Variants in RANBP2 observed in about 807,000 individuals in gnomAD.
RANBP2 encodes the protein RAN binding protein 2.
RANBP2 carries 57 observed loss-of-function variants against 303.6 expected under a neutral mutation model. The observed-to-expected ratio is 0.19, with a 90% CI of 0.15 to 0.23. The LOEUF (loss-of-function observed/expected upper bound fraction) is 0.23, where lower values mean the gene tolerates loss of function less well. Among genes scored for constraint, RANBP2 ranks in the 10% least tolerant of loss-of-function variants. RANBP2 has a pLI of 1.00. For missense variants in RANBP2, 3,138 were observed against 3,780.8 expected (o/e 0.83, Z 4.46); for synonymous variants, 1,167 against 1,301.5 (o/e 0.90, Z 2.23).
the RANBP2 span, among the ~76,000 whole-genome samples, chr2:109,430,303 A>G: frequency 1.3e-5 from 2 of 152,318 alleles, no homozygotes; most frequent in Non-Finnish European, 2.9e-5. Context: ...TTTACACTCA[A>G]TTGTATTTCT....
chr2:109,371,607 A>G, the RANBP2 span: 1 of 1,614,014 alleles, frequency 6.2e-7, no homozygotes, highest in Admixed American at 1.7e-5. Flanking sequence ...GACGGTGCTC[A>G]GGAGAGTGGA....
chr2:109,543,394 ACCACAG>A, the RANBP2 span: 2 of 152,184 alleles, frequency 1.3e-5, no homozygotes, highest in Non-Finnish European at 2.9e-5. Context: ...ATTTTGTTTC[ACCACAG>A]TAATACGTCA....
chr2:109,006,607 T>C, the RANBP2 span, among the ~76,000 whole-genome samples: 1 of 152,122 alleles, frequency 6.6e-6, no homozygotes, highest in South Asian at 2.1e-4. Flanking sequence ...CTCAGTGGGA[T>C]GTGGGGTTCT....
the RANBP2 span, among the ~76,000 whole-genome samples, chr2:109,648,654 T>A: frequency 1.4e-5 from 2 of 142,260 alleles, no homozygotes; most frequent in South Asian, 2.2e-4. Flanking sequence ...ATTTACATCT[T>A]TTTTTTTTTT....
intron 7 of RANBP2, among the ~76,000 whole-genome samples, chr2:108,744,820 C>T (rs1222194128): frequency 6.6e-6 from 1 of 152,210 alleles, no homozygotes; most frequent in African/African-American, 2.4e-5. Context: ...TATTTACTTT[C>T]TCCACCTCCA....
At chr2:108,942,898 C>T in the RANBP2 span, among the ~76,000 whole-genome samples, 1 of 152,198 alleles carries the variant, frequency 6.6e-6, no homozygotes, top group Non-Finnish European at 1.5e-5. Context: ...TTGTTTTGAA[C>T]GATTCAATAG....
At chr2:108,759,018 C>T (rs1676530609) in intron 18 of RANBP2, among the ~76,000 whole-genome samples, 1 of 149,218 alleles carries the variant, frequency 6.7e-6, no homozygotes, top group East Asian at 1.9e-4. Context: ...TTAAGTTCTG[C>T]TCTATCACTT....
the RANBP2 span, among the ~76,000 whole-genome samples, chr2:109,051,722 C>G: frequency 6.6e-6 from 1 of 151,156 alleles, no homozygotes; most frequent in Admixed American, 6.6e-5. Flanking sequence ...GTTATAATTG[C>G]TTAAGAAAAT....
At chr2:109,050,631 C>T in the RANBP2 span, among the ~76,000 whole-genome samples, 1 of 152,054 alleles carries the variant, frequency 6.6e-6, no homozygotes, top group East Asian at 1.9e-4. Context: ...ACAGCTGGCA[C>T]ACCCACTGCC....
the RANBP2 span, among the ~76,000 whole-genome samples, chr2:109,063,601 C>A: frequency 2.6e-5 from 4 of 152,286 alleles, no homozygotes; most frequent in Non-Finnish European, 5.9e-5. Context: ...GGCATTGGAA[C>A]AAACAGCTCG....
the RANBP2 span, among the ~76,000 whole-genome samples, chr2:109,295,281 G>C: frequency 5.9e-3 from 899 of 152,322 alleles, 7 homozygotes; most frequent in African/African-American, 0.02. Context: ...CCAGGAAGCA[G>C]GTGCTCTTGT....
At chr2:109,571,865 G>GACTA in the RANBP2 span, among the ~76,000 whole-genome samples, 1 of 152,134 alleles carries the variant, frequency 6.6e-6, no homozygotes. Flanking sequence ...TCCACTAAGG[G>GACTA]ACTACATCAA....
chr2:109,511,947 G>A, the RANBP2 span, among the ~76,000 whole-genome samples: 4 of 152,166 alleles, frequency 2.6e-5, no homozygotes, highest in African/African-American at 4.8e-5. Context: ...CGATGCACAC[G>A]TACTGCAGAA....
At chr2:109,355,859 C>T in the RANBP2 span, among the ~76,000 whole-genome samples, 1 of 152,190 alleles carries the variant, frequency 6.6e-6, no homozygotes, top group African/African-American at 2.4e-5. Flanking sequence ...CAGCTATTTC[C>T]TCCTTCCTTG....
chr2:109,036,623 C>G, the RANBP2 span, among the ~76,000 whole-genome samples: 1 of 152,116 alleles, frequency 6.6e-6, no homozygotes, highest in Non-Finnish European at 1.5e-5. Flanking sequence ...AAGATTAACA[C>G]AATCCTATGC....
the RANBP2 span, among the ~76,000 whole-genome samples, chr2:109,166,334 G>C: frequency 3.3e-5 from 5 of 151,866 alleles, no homozygotes; most frequent in African/African-American, 1.2e-4. Flanking sequence ...AAAATTAGCC[G>C]AGTGTGGTGG....
chr2:109,682,318 T>C, the RANBP2 span, among the ~76,000 whole-genome samples: 1 of 152,190 alleles, frequency 6.6e-6, no homozygotes, highest in Non-Finnish European at 1.5e-5. Flanking sequence ...ATTTCCTAAC[T>C]ATTGCACGAG....
chr2:109,496,189 T>C, the RANBP2 span, among the ~76,000 whole-genome samples: 1 of 152,214 alleles, frequency 6.6e-6, no homozygotes, highest in African/African-American at 2.4e-5. Context: ...TGGTGCATTT[T>C]ACAGAGTGCG....
At chr2:109,468,737 C>G in the RANBP2 span, among the ~76,000 whole-genome samples, 1 of 151,308 alleles carries the variant, frequency 6.6e-6, no homozygotes, top group African/African-American at 2.4e-5. Context: ...ACCTGTAATC[C>G]CAGCTACTCA....
Sources: allele counts gnomAD v4.1 joint callset (sites outside exome capture counted in the v4.1 genomes callset), GRCh38; gene constraint gnomAD v4.1.1; transcripts MANE v1.5; gene names NCBI Gene and HGNC (gene_info 2026-07-23, HGNC 2026-07-21).